The following ILDR2 variants were observed in gnomAD, a reference collection of about 807,000 sequenced individuals.
ILDR2 encodes immunoglobulin-like domain-containing receptor 2.
In ILDR2, 25 loss-of-function variants were observed where a neutral mutation model predicts 66.8. That is an observed-to-expected ratio of 0.37 (90% confidence interval 0.27 to 0.52). ILDR2 has a LOEUF of 0.52. ILDR2 is among the 20% of genes least tolerant of loss of function. The pLI, the probability that ILDR2 is intolerant of heterozygous loss-of-function variation, is 0.88. For synonymous variants in ILDR2, 367 were observed against 357.2 expected (o/e 1.03, Z -0.31); for missense variants, 827 against 876.8 (o/e 0.94, Z 0.72).
At position 166,966,000 on chromosome 1, in the gene ILDR2, G is replaced by C. The variant is rs572198931; in HGVS notation, c.47-7899C>G. ...TGTTCAGCCCTTAGTAGCATTGTCG[G>C]GATGAGAATAAAACATTTTGGGAAA... On this transcript the variant is annotated intron_variant, in intron 1 of 9. Coordinates refer to ENST00000271417, the MANE Select transcript of ILDR2 (RefSeq NM_199351.3). Among the ~76,000 whole-genome samples, 7 of 152,070 alleles carry C rather than the reference G, an allele frequency of 4.6e-5. No homozygotes were observed. In the South Asian group the frequency reaches 1.5e-3, roughly 32 times the overall value.
chr1:166,964,204 G>A (rs925993547), intron 1 of ILDR2, among the ~76,000 whole-genome samples: 2 of 151,980 alleles, frequency 1.3e-5, no homozygotes, highest in Non-Finnish European at 1.5e-5. Flanking sequence ...ACCACAGGTG[G>A]TTTTCTGCTT....
chr1:166,923,303 T>C (rs1660071477), intron 7 of ILDR2, among the ~76,000 whole-genome samples: 1 of 152,208 alleles, frequency 6.6e-6, no homozygotes, highest in African/African-American at 2.4e-5. Flanking sequence ...AGTACTGCCA[T>C]ATGCTGTAGA....
intron 3 of ILDR2, among the ~76,000 whole-genome samples, chr1:166,947,142 G>A (rs1223157743): frequency 6.6e-6 from 1 of 152,188 alleles, no homozygotes; most frequent in Non-Finnish European, 1.5e-5. Context: ...TGGTCGACTT[G>A]GCCTGAGGTG....
chr1:166,962,167 G>T (rs757507765), intron 1 of ILDR2, among the ~76,000 whole-genome samples: 1 of 152,122 alleles, frequency 6.6e-6, no homozygotes, highest in Non-Finnish European at 1.5e-5. Flanking sequence ...TCCCCAAACT[G>T]CCCTGACCAA....
At position 166,896,545 on chromosome 1, in the gene ILDR2, GATAT is replaced by G. The variant is rs3076028; in HGVS notation, n.172-448_172-445del. ...TCATGTAAAGTCAAAAATGGAAACA[GATAT>G]ATATATATATATATATCTCATGTTG... On this transcript the variant is annotated intron_variant and non_coding_transcript_variant, in intron 2 of 2. Coordinates refer to the ILDR2 transcript ENST00000414590. Among the ~76,000 whole-genome samples, 1,045 of 146,460 alleles carry G rather than the reference GATAT, an allele frequency of 7.1e-3. 10 individuals are homozygous for G. Among genetic ancestry groups the G allele is most frequent in the African/African-American group, 0.025 (987 of 39,582 alleles).
chr1:166,906,762 T>C (rs542340714), downstream of ILDR2, among the ~76,000 whole-genome samples: 25 of 152,348 alleles, frequency 1.6e-4, no homozygotes, highest in African/African-American at 5.5e-4. Context: ...GTTTTCTGCT[T>C]AGGAAACATT....
intron 6 of ILDR2, among the ~76,000 whole-genome samples, chr1:166,929,634 A>T (rs1660513359): frequency 6.6e-6 from 1 of 152,218 alleles, no homozygotes. Context: ...AAACTTCCTG[A>T]GAGCAAGGAC....
intron 3 of ILDR2, among the ~76,000 whole-genome samples, chr1:166,955,561 C>G (rs1662228143): frequency 6.6e-6 from 1 of 152,076 alleles, no homozygotes; most frequent in African/African-American, 2.4e-5. Context: ...TGAGATTGAG[C>G]CACTGCAATC....
chr1:166,960,479 A>G (rs765603066), intron 1 of ILDR2, among the ~76,000 whole-genome samples: 3 of 152,202 alleles, frequency 2.0e-5, no homozygotes, highest in Non-Finnish European at 4.4e-5. Flanking sequence ...TTCCTCACCT[A>G]TAGAATGAGC....
At chr1:166,940,798 C>T (rs1311991567) in intron 3 of ILDR2, among the ~76,000 whole-genome samples, 1 of 152,198 alleles carries the variant, frequency 6.6e-6, no homozygotes, top group African/African-American at 2.4e-5. Context: ...ATAGATATGG[C>T]TCATTTAGAA....
chr1:166,898,347 C>T (rs1659206094), intron 2 of ILDR2, among the ~76,000 whole-genome samples: 1 of 152,198 alleles, frequency 6.6e-6, no homozygotes, highest in Non-Finnish European at 1.5e-5. Flanking sequence ...TCCCCACATC[C>T]ACTTTCCTCG....
downstream of ILDR2, among the ~76,000 whole-genome samples, chr1:166,906,531 C>T (rs1180492179): frequency 6.6e-6 from 1 of 152,182 alleles, no homozygotes; most frequent in African/African-American, 2.4e-5. Flanking sequence ...CTGCATATTA[C>T]AGCATAGCAA....
intron 3 of ILDR2, among the ~76,000 whole-genome samples, chr1:166,947,261 C>T (rs772417402): frequency 2.6e-5 from 4 of 152,186 alleles, no homozygotes; most frequent in Non-Finnish European, 4.4e-5. Flanking sequence ...CTTGAAGTCA[C>T]TGTGCTCCAT....
Position 166,956,839 on chromosome 1 carries a change from T to G in ILDR2, c.393A>C (p.Gln131His). The part of the protein sequence containing the change: ...EITIVHDADL[Q>H]IGKLMWGDSG... ...TGTCTCCCCACATAAGCTTTCCAAT[T>G]TGAAGATCTGCATCTGTTATCACAA... The change falls in exon 3 of 10, where the codon CAA becomes CAC. Residue 131 changes from glutamine to histidine, a missense_variant. Around this residue, in one of 2 missense-constraint regions of ILDR2, gnomAD observed 437 missense variants for 523.2 expected, o/e 0.84. Coordinates refer to ENST00000271417, the MANE Select transcript of ILDR2 (RefSeq NM_199351.3). 6 of 1,613,710 alleles carry G rather than the reference T, an allele frequency of 3.7e-6. No individual in the cohort carries two copies. Among genetic ancestry groups the G allele is most frequent in the Non-Finnish European group, 5.1e-6 (6 of 1,179,794 alleles).
chr1:166,909,780 TTTATA>T lies in ILDR2; in HGVS notation c.*9570_*9574del, dbSNP rs1659432866. ...ATATAAATATATATAAATATATATA[TTTATA>T]TATATATATATATATATATATCCTT... On this transcript the variant is annotated 3_prime_UTR_variant, in exon 10 of 10. Coordinates refer to ENST00000271417, the MANE Select transcript of ILDR2 (RefSeq NM_199351.3). 5.1e-5 allele frequency: 2 copies of T among 39,100 alleles called. No homozygotes were observed. Among genetic ancestry groups the T allele is most frequent in the Non-Finnish European group, 8.6e-5 (2 of 23,202 alleles). The allele number at this position is 39,100 out of a possible 1,614,324, so 2.4% of individuals were successfully genotyped here.
chr1:166,930,073 A>C (rs1660543672), intron 6 of ILDR2, among the ~76,000 whole-genome samples: 2 of 152,198 alleles, frequency 1.3e-5, no homozygotes, highest in Admixed American at 1.3e-4. Flanking sequence ...TATATGGAAC[A>C]ATGTACCAGC....
At chr1:166,941,210 G>A (rs1385514818) in intron 3 of ILDR2, among the ~76,000 whole-genome samples, 1 of 152,144 alleles carries the variant, frequency 6.6e-6, no homozygotes, top group Admixed American at 6.5e-5. Context: ...TTTGGCCTTG[G>A]CAAATACAGC....
Position 166,948,131 on chromosome 1 carries a change from C to T in ILDR2, c.500-8561G>A, listed in dbSNP as rs193262587. On this transcript the variant is annotated intron_variant, in intron 3 of 9. Coordinates refer to ENST00000271417, the MANE Select transcript of ILDR2 (RefSeq NM_199351.3). ...ACATAGGTCCCCAGGAACGAAATGC[C>T]AGATAGCAGCAGGGTTCAGCAGGTG... 5.2e-4 allele frequency among the ~76,000 whole-genome samples: 79 copies of T among 152,184 alleles called. 1 individual carries two copies. The highest frequency in any genetic ancestry group is 4.2e-3 in the Admixed American group (64 of 15,288).
At chr1:166,900,341 G>A (rs764112185) in intron 2 of ILDR2, among the ~76,000 whole-genome samples, 25 of 151,678 alleles carry the variant, frequency 1.6e-4, no homozygotes, top group Admixed American at 4.6e-4. Flanking sequence ...GTTCATGTCT[G>A]TCCCTTTTCC....
Sources: gnomAD v4.1 joint callset for allele counts (sites outside exome capture counted in the v4.1 genomes callset) on GRCh38, gnomAD v4.1.1 for gene constraint, gnomAD v4.1.1 regional missense constraint, MANE v1.5 for transcripts, NCBI Gene and HGNC (gene_info 2026-07-23, HGNC 2026-07-21) for gene names.